The following CCDC144A variants were observed in gnomAD, a reference collection of about 807,000 sequenced individuals.
The protein encoded by CCDC144A is coiled-coil domain-containing protein 144A.
In CCDC144A, 41 loss-of-function variants were observed where a neutral mutation model predicts 143.8. The observed-to-expected ratio is 0.29, with a 90% CI of 0.22 to 0.37. CCDC144A has a LOEUF of 0.37. Ranked by LOEUF, CCDC144A falls within the 10% of genes least tolerant of loss-of-function variation. The pLI is 1.00. For synonymous variants in CCDC144A, 242 were observed against 517.9 expected (o/e 0.47, Z 7.23); for missense variants, 637 against 1,488.8 (o/e 0.43, Z 9.41).
intron 12 of CCDC144A, among the ~76,000 whole-genome samples, chr17:16,756,007 C>T (rs1317081852): frequency 2.6e-5 from 4 of 152,138 alleles, no homozygotes; most frequent in African/African-American, 4.8e-5. Context: ...ATATGGATTC[C>T]CTTGTATGTG....
chr17:16,749,922 T>C (rs1914710368), intron 12 of CCDC144A, among the ~76,000 whole-genome samples: 1 of 152,236 alleles, frequency 6.6e-6, no homozygotes, highest in African/African-American at 2.4e-5. Flanking sequence ...CTTTTTGCAT[T>C]TTATTTGCAT....
intron 12 of CCDC144A, among the ~76,000 whole-genome samples, chr17:16,741,573 A>G (rs1451764669): frequency 6.6e-6 from 1 of 152,210 alleles, no homozygotes; most frequent in Non-Finnish European, 1.5e-5. Context: ...AGTTTCACCC[A>G]TAGTCTGTAT....
chr17:16,750,808 C>T (rs1275482263), intron 12 of CCDC144A, among the ~76,000 whole-genome samples: 10 of 151,894 alleles, frequency 6.6e-5, no homozygotes, highest in Non-Finnish European at 1.3e-4. Flanking sequence ...CTCTGTAATC[C>T]TTCCCTCCGC....
At chr17:16,709,744 A>C in intron 5 of CCDC144A, 109 bp downstream of exon 5, 1 of 1,412,104 alleles carries the variant, frequency 7.1e-7, no homozygotes, top group Non-Finnish European at 9.5e-7. Flanking sequence ...GGTTGTCTAA[A>C]TCTGTAATTG....
At chr17:16,742,852 G>A (rs1053042646) in intron 12 of CCDC144A, among the ~76,000 whole-genome samples, 6 of 152,008 alleles carry the variant, frequency 3.9e-5, no homozygotes, top group Non-Finnish European at 5.9e-5. Flanking sequence ...GTGGACATTC[G>A]TATGTCTTCT....
chr17:16,731,300 G>T, intron 9 of CCDC144A: 1 of 163,690 alleles, frequency 6.1e-6, no homozygotes, highest in Non-Finnish European at 1.3e-5. Context: ...CAGATACATG[G>T]TGTGTGAATG....
chr17:16,760,392 A>G (rs1915308050), intron 12 of CCDC144A, among the ~76,000 whole-genome samples: 1 of 143,492 alleles, frequency 7.0e-6, no homozygotes, highest in Non-Finnish European at 1.5e-5. Flanking sequence ...TTTCAGTGCA[A>G]TTTTTTGTTG....
Position 16,762,409 on chromosome 17 carries a change from G to A in CCDC144A, c.3763G>A (p.Glu1255Lys), listed in dbSNP as rs1322834191. The A allele has an allele frequency of 1.9e-6, 3 of 1,581,030 alleles. No individual in the cohort carries two copies. Among genetic ancestry groups the A allele is most frequent in the Admixed American group, 1.8e-5 (1 of 54,190 alleles). The part of the protein sequence containing the change: ...TQMELTIKDL[E>K]SEISRIKTSQ... ...GATGGAACTCACAATCAAAGATCTGGAATCTGAAATCTCCAGAATAAAAAC... is the reference window on the plus strand; with the variant it reads ...GATGGAACTCACAATCAAAGATCTGAAATCTGAAATCTCCAGAATAAAAAC... Residue 1255 changes from glutamate (E) to lysine (K), a missense_variant, in exon 14 of 17, where the codon GAA (glutamate) becomes AAA (lysine). Transcript: ENST00000399273.
At chr17:16,753,434 T>G (rs1404233606) in intron 12 of CCDC144A, among the ~76,000 whole-genome samples, 16 of 118,600 alleles carry the variant, frequency 1.3e-4, no homozygotes, top group Non-Finnish European at 2.3e-4. Context: ...TGTAGTTTTT[T>G]TTTTTTTTTT....
chr17:16,773,223 C>T (rs1276861044), intron 16 of CCDC144A, among the ~76,000 whole-genome samples: 4 of 151,866 alleles, frequency 2.6e-5, no homozygotes, highest in Admixed American at 6.6e-5. Context: ...CTGAGGCAGG[C>T]AGATCACTGG....
chr17:16,694,126 G>A (rs1911262380), intron 2 of CCDC144A, among the ~76,000 whole-genome samples: 1 of 149,982 alleles, frequency 6.7e-6, no homozygotes, highest in Non-Finnish European at 1.5e-5. Flanking sequence ...GGTGGTAGAG[G>A]TGGGAGAAAA....
chr17:16,691,405 A>G (rs556244612), intron 1 of CCDC144A, among the ~76,000 whole-genome samples: 16 of 152,242 alleles, frequency 1.1e-4, no homozygotes, highest in Admixed American at 2.6e-4. Flanking sequence ...CTGAGTCTCA[A>G]GTATGTTAGT....
intron 16 of CCDC144A, among the ~76,000 whole-genome samples, chr17:16,773,027 G>A (rs3107677): frequency 0.95 from 145,048 of 152,252 alleles, 69,015 homozygotes; most frequent in East Asian, 1. Flanking sequence ...GTGTGCAACT[G>A]TGGGCAGATT....
chr17:16,684,066 A>G, the CCDC144A span: 2 of 910,234 alleles, frequency 2.2e-6, no homozygotes, highest in Non-Finnish European at 3.7e-6. Flanking sequence ...AAAATCAATA[A>G]ACTGGTTCTG....
chr17:16,683,241 A>G, the CCDC144A span, among the ~76,000 whole-genome samples: 2 of 152,134 alleles, frequency 1.3e-5, no homozygotes, highest in African/African-American at 4.8e-5. Context: ...CCTGAGCGCA[A>G]TGTAATCATT....
In CCDC144A at chr17:16,774,718, CATGTGCAGG is replaced by C. The variant is rs1224040553; in HGVS notation, c.*1099_*1107del. 2 of 147,344 alleles carry C rather than the reference CATGTGCAGG, an allele frequency of 1.4e-5. No individual in the cohort carries two copies. The highest frequency in any genetic ancestry group is 3.0e-5 in the Non-Finnish European group (2 of 67,692). The allele number at this position is 147,344 out of a possible 1,614,324, so 9.1% of individuals were successfully genotyped here. A position where few individuals can be genotyped will look rare whatever the true frequency, so the allele number is the denominator to read the frequency against. On this transcript the variant is annotated 3_prime_UTR_variant, in exon 17 of 17. Transcript: ENST00000399273. ...TTTTCATCTTTTAAGTTCAGGGGTA[CATGTGCAGG>C]ATGTGCAGGATGTCCAGGTTTGTTA...
In CCDC144A at chr17:16,775,884, T is replaced by C. The variant is rs568946270; in HGVS notation, c.*2251T>C. On this transcript the variant is annotated 3_prime_UTR_variant, in exon 17 of 17. Coordinates refer to ENST00000399273, the MANE Select transcript of CCDC144A (RefSeq NM_001382000.1). ...TCCATCTTGAGTTAACTTTTGTATA[T>C]GGGTTAAGGAAGGGGTCCCGTTTCA... 95 of 152,376 alleles carry C rather than the reference T, an allele frequency of 6.2e-4. No individual in the cohort carries two copies. The highest frequency in any genetic ancestry group is 2.2e-3 in the African/African-American group (91 of 41,574). 9.4% of individuals were successfully genotyped at this position (152,376 alleles called of 1,614,324 possible).
At chr17:16,726,145 G>A (rs1395638511) in intron 8 of CCDC144A, among the ~76,000 whole-genome samples, 3 of 151,980 alleles carry the variant, frequency 2.0e-5, no homozygotes, top group Non-Finnish European at 4.4e-5. Context: ...TTGGGAGGCC[G>A]AGGTGGGCGG....
chr17:16,752,550 C>T (rs1041679674), intron 12 of CCDC144A, among the ~76,000 whole-genome samples: 10 of 141,854 alleles, frequency 7.0e-5, no homozygotes, highest in Admixed American at 7.1e-5. Context: ...GGTATTGAGA[C>T]CAGGTTCATG....
Sources: allele counts gnomAD v4.1 joint callset (sites outside exome capture counted in the v4.1 genomes callset), GRCh38; gene constraint gnomAD v4.1.1; transcripts MANE v1.5; gene names NCBI Gene and HGNC (gene_info 2026-07-23, HGNC 2026-07-21).